Variants in ST3GAL3 observed in about 807,000 individuals in gnomAD.
The protein encoded by ST3GAL3 is ST3 beta-galactoside alpha-2,3-sialyltransferase 3.
A neutral mutation model predicts 50.1 loss-of-function variants in ST3GAL3; 21 were observed. The observed-to-expected ratio is 0.42, with a 90% confidence interval of 0.30 to 0.60. ST3GAL3 has a LOEUF of 0.60. ST3GAL3 is among the 20% of genes least tolerant of loss of function. The probability of loss-of-function intolerance (pLI) is 0.19; values close to 1 mark genes in which losing one functional copy is unlikely to be tolerated. For synonymous variants in ST3GAL3, 183 were observed against 190.0 expected, an observed-to-expected ratio of 0.96 and a Z score of 0.30; for missense variants, 353 against 489.4, an observed-to-expected ratio of 0.72 and a Z score of 2.63.
chr1:43,894,609 C>G (rs2077115494), intron 6 of ST3GAL3, 132 bp downstream of exon 6: 2 of 818,862 alleles, frequency 2.4e-6, no homozygotes, highest in Non-Finnish European at 4.1e-6. Context: ...CAAATCTTCT[C>G]TACCTTTTTC....
intron 9 of ST3GAL3, among the ~76,000 whole-genome samples, chr1:43,904,885 G>T (rs367756431): frequency 1.3e-5 from 1 of 79,022 alleles, no homozygotes; most frequent in African/African-American, 5.0e-5. Flanking sequence ...TCCTCTTCCC[G>T]CCACTCTTCC....
intron 2 of ST3GAL3, 102 bp from the exon 3 acceptor site, chr1:43,792,000 C>A: frequency 7.2e-7 from 1 of 1,391,074 alleles, no homozygotes; most frequent in Non-Finnish European, 1.0e-6. Flanking sequence ...AGTTCCCTTC[C>A]AGTTGACTCT....
Position 43,919,888 on chromosome 1 carries a change from G to C in ST3GAL3, c.745-516G>C, listed in dbSNP as rs554769507. The C allele has an allele frequency of 2.5e-3, 485 of 195,194 alleles. 3 individuals carry two copies. Among genetic ancestry groups the C allele is most frequent in the African/African-American group, 0.011 (458 of 42,956 alleles). The allele number at this position is 195,194 out of a possible 1,614,324, so 12.1% of individuals were successfully genotyped here. Reference sequence around the variant, plus strand: ...CCAACTCTAGTCAACAGCAGTGTTGGTCTGCTATACTCTACTTGCTCACGC... The same window carrying C: ...CCAACTCTAGTCAACAGCAGTGTTGCTCTGCTATACTCTACTTGCTCACGC... On this transcript the variant is annotated intron_variant, in intron 9 of 11. Transcript: ENST00000347631.
intron 9 of ST3GAL3, chr1:43,913,156 G>C (rs553165685): frequency 6.6e-6 from 1 of 152,232 alleles, no homozygotes; most frequent in Non-Finnish European, 1.5e-5. Context: ...ATGCATGTAC[G>C]TGTGCAGGTA....
At chr1:43,802,986 C>T (rs1361549608) in intron 3 of ST3GAL3, among the ~76,000 whole-genome samples, 5 of 152,058 alleles carry the variant, frequency 3.3e-5, no homozygotes, top group Admixed American at 2.0e-4. Flanking sequence ...AGTGCAATGG[C>T]GCCATCTCGG....
At chr1:43,777,824 T>C (rs1032472681) in intron 2 of ST3GAL3, among the ~76,000 whole-genome samples, 3 of 152,164 alleles carry the variant, frequency 2.0e-5, no homozygotes, top group African/African-American at 7.2e-5. Context: ...ATAGATAAAC[T>C]ACAGAATGGG....
intron 5 of ST3GAL3, among the ~76,000 whole-genome samples, chr1:43,861,056 C>T (rs1388232661): frequency 6.6e-6 from 1 of 152,202 alleles, no homozygotes; most frequent in East Asian, 1.9e-4. Context: ...TTCACAGCAT[C>T]TCCTTCATGC....
At chr1:43,842,297 T>A (rs981862736) in intron 5 of ST3GAL3, 1 of 152,124 alleles carries the variant, frequency 6.6e-6, no homozygotes, top group African/African-American at 2.4e-5. Flanking sequence ...TTTTTAGATA[T>A]CTTTCTAACA....
intron 7 of ST3GAL3, 147 bp downstream of exon 7, chr1:43,898,445 C>A: frequency 1.2e-6 from 1 of 829,796 alleles, no homozygotes; most frequent in Non-Finnish European, 2.0e-6. Context: ...GTGGGTGGAG[C>A]AGGTAAGTGG....
rs1387140766 is a variant in ST3GAL3, at chr1:43,920,545, CG to C, written c.891+1del. Reference sequence around the variant, plus strand: ...GCCCTTCAACAATGGCCTCATGGGCCGGGGGGTGAGATATCTGGGCCCTGGG... The same window carrying C: ...GCCCTTCAACAATGGCCTCATGGGCCGGGGGTGAGATATCTGGGCCCTGGG... ...GLPFNNGLMGRGNIPTLGSVA... is the reference protein window; with the variant it reads ...GLPFNNGLMGXGNIPTLGSVA... On this transcript the variant is annotated frameshift_variant, in exon 10 of 12. Transcript: ENST00000347631. LOFTEE classifies it high-confidence loss of function. 1 of 1,606,600 alleles carries C rather than the reference CG, an allele frequency of 6.2e-7. No homozygotes were observed. The highest frequency in any genetic ancestry group is 8.5e-7 in the Non-Finnish European group (1 of 1,175,478).
chr1:43,899,499 C>A lies in ST3GAL3; in HGVS notation c.558-42C>A. 2 of 1,608,226 alleles carry A rather than the reference C, an allele frequency of 1.2e-6. No individual in the cohort carries two copies. The highest frequency in any genetic ancestry group is 1.7e-6 in the Non-Finnish European group (2 of 1,179,814). The stretch of plus-strand genomic sequence containing the variant: ...GATAGTCTGGGGTCATGGTGCCTTC[C>A]CAAACACAGGCCCAGGCTCTGAGTG... On this transcript the variant is annotated intron_variant, in intron 8 of 11. Transcript: ENST00000347631. This position sits in a 1 kb window ranked among gnomAD's most constrained non-coding sequence, Gnocchi z 5.4.
intron 1 of ST3GAL3, among the ~76,000 whole-genome samples, chr1:43,719,660 G>C (rs996538896): frequency 1.2e-4 from 17 of 145,528 alleles, no homozygotes; most frequent in Non-Finnish European, 6.0e-5. Context: ...GTGAAACTCT[G>C]TCTCAAAAAA....
At chr1:43,729,836 A>AGT (rs1191397597) in intron 1 of ST3GAL3, among the ~76,000 whole-genome samples, 5 of 152,226 alleles carry the variant, frequency 3.3e-5, no homozygotes, top group Non-Finnish European at 7.3e-5. Context: ...TATTTTTGTC[A>AGT]GTGTATCTTT....
intron 5 of ST3GAL3, among the ~76,000 whole-genome samples, chr1:43,873,223 T>C (rs142442681): frequency 1.1e-3 from 174 of 152,086 alleles, no homozygotes; most frequent in African/African-American, 3.3e-3. Flanking sequence ...GTGGAAGCAG[T>C]GGAGGTGGTA....
chr1:43,738,035 C>A (rs969150829), intron 2 of ST3GAL3: 4 of 152,076 alleles, frequency 2.6e-5, no homozygotes, highest in Non-Finnish European at 5.9e-5. Context: ...TCTTTAAAAC[C>A]TATGTTCATT....
intron 9 of ST3GAL3, among the ~76,000 whole-genome samples, chr1:43,911,595 C>T (rs1389104045): frequency 6.7e-6 from 1 of 150,006 alleles, no homozygotes; most frequent in Admixed American, 6.6e-5. Flanking sequence ...ATAGATATAT[C>T]TGTAGCTATA....
At chr1:43,919,740 T>C (rs1341486624) in intron 9 of ST3GAL3, 1 of 154,110 alleles carries the variant, frequency 6.5e-6, no homozygotes, top group Non-Finnish European at 1.4e-5. Flanking sequence ...TGCCCCAGAA[T>C]GGACACTGGG....
intron 3 of ST3GAL3, among the ~76,000 whole-genome samples, chr1:43,806,149 A>G (rs1396345786): frequency 6.6e-6 from 1 of 152,250 alleles, no homozygotes; most frequent in African/African-American, 2.4e-5. Context: ...TCACCAGAGC[A>G]CAGAGCAGGG....
intron 4 of ST3GAL3, among the ~76,000 whole-genome samples, chr1:43,822,972 C>T (rs2062303639): frequency 6.6e-6 from 1 of 152,196 alleles, no homozygotes; most frequent in Non-Finnish European, 1.5e-5. Flanking sequence ...TCCAATTGCT[C>T]ACATCAAATA....
Sources: allele counts gnomAD v4.1 joint callset (sites outside exome capture counted in the v4.1 genomes callset), GRCh38; gene constraint gnomAD v4.1.1; non-coding constraint Gnocchi (gnomAD v3.1); transcripts MANE v1.5; gene names NCBI Gene and HGNC (gene_info 2026-07-23, HGNC 2026-07-21).